The following REG4 variants were observed in gnomAD, a reference collection of about 807,000 sequenced individuals.
REG4 encodes the protein regenerating family member 4, also known as regenerating islet-derived protein 4.
A neutral mutation model predicts 22.3 loss-of-function variants in REG4; 16 were observed. That is an observed-to-expected ratio of 0.72 (90% confidence interval 0.49 to 1.09). REG4 has a LOEUF of 1.09. REG4 is among the 50% of genes least tolerant of loss of function. REG4 has a pLI of 0.00. For missense variants in REG4, 214 were observed against 193.9 expected (o/e 1.10, Z -0.61); for synonymous variants, 71 against 69.2 (o/e 1.03, Z -0.13).
chr1:119,803,087 C>G lies in REG4; in HGVS notation c.146G>C (p.Arg49Thr), dbSNP rs1654170381. 6.3e-7 allele frequency: 1 copy of G among 1,588,480 alleles called. No individual in the cohort carries two copies. Among genetic ancestry groups the G allele is most frequent in the Non-Finnish European group, 8.6e-7 (1 of 1,169,252 alleles). ...TCTTACCTCGGCATCAGACCAGTTC[C>G]TCAGCTTCCTGAAGTAACCATAGCA... The part of the protein sequence containing the change: ...SNCYGYFRKL[R>T]NWSDAELECQ... The change falls in exon 3 of 6, where the codon AGG (arginine) becomes ACG (threonine). Residue 49 changes from arginine (R) to threonine (T), a missense_variant. Physicochemically the swap from Arg to Thr is moderately conservative, Grantham distance 71 (BLOSUM62 -1). Transcript: ENST00000256585.
At chr1:119,796,121 T>G (rs879505303) in intron 5 of REG4, among the ~76,000 whole-genome samples, 5 of 152,164 alleles carry the variant, frequency 3.3e-5, no homozygotes, top group Admixed American at 3.3e-4. Context: ...TGTATTCAGA[T>G]GATTAGGGCG....
chr1:119,803,925 A>C (rs587735823), intron 2 of REG4, among the ~76,000 whole-genome samples: 1 of 152,230 alleles, frequency 6.6e-6, no homozygotes, highest in African/African-American at 2.4e-5. Flanking sequence ...GGTGTCTGTC[A>C]GGCAACCATG....
intron 4 of REG4, among the ~76,000 whole-genome samples, chr1:119,799,044 C>T (rs1372826203): frequency 1.3e-5 from 2 of 152,002 alleles, no homozygotes; most frequent in Non-Finnish European, 2.9e-5. Context: ...CATACATATT[C>T]GTGAAAGAGG....
intron 3 of REG4, 84 bp from the exon 4 acceptor site, chr1:119,799,946 G>A (rs1654048599): frequency 6.5e-7 from 1 of 1,540,746 alleles, no homozygotes; most frequent in East Asian, 2.3e-5. Flanking sequence ...TGCCAAGAAG[G>A]AGGGACTCAC....
At chr1:119,798,067 A>G (rs1372207335) in intron 5 of REG4, among the ~76,000 whole-genome samples, 1 of 152,112 alleles carries the variant, frequency 6.6e-6, no homozygotes, top group Non-Finnish European at 1.5e-5. Context: ...AACTCAGGCA[A>G]AGACCGGCCT....
Position 119,798,544 on chromosome 1 carries a change from T to A in REG4, c.362A>T (p.Lys121Met), listed in dbSNP as rs199938796. The change falls in exon 5 of 6, where the codon AAG (lysine) becomes ATG (methionine). Residue 121 changes from lysine to methionine, a missense_variant. Physicochemically the swap from Lys to Met is moderately conservative, Grantham distance 95 (BLOSUM62 -1). Coordinates refer to ENST00000256585, the MANE Select transcript of REG4 (RefSeq NM_032044.4). ...AMYLYRSWSG[K>M]SMGGNKHCAE... ...ACAGTGCTTGTTCCCACCCATGGAC[T>A]TGCCAGACCAGGATCTGTACAGATA... is the stretch of plus-strand genomic sequence containing the variant. The A allele has an allele frequency of 3.1e-6, 5 of 1,614,098 alleles. No individual in the cohort carries two copies. The highest frequency in any genetic ancestry group is 4.2e-6 in the Non-Finnish European group (5 of 1,180,034).
chr1:119,807,082 A>T (rs1297448914), intron 2 of REG4, among the ~76,000 whole-genome samples: 2 of 152,250 alleles, frequency 1.3e-5, no homozygotes, highest in African/African-American at 2.4e-5. Context: ...TTTAGTGTCC[A>T]TAAATGATGT....
At chr1:119,796,436 G>A (rs999208252) in intron 5 of REG4, among the ~76,000 whole-genome samples, 7 of 152,076 alleles carry the variant, frequency 4.6e-5, no homozygotes, top group Non-Finnish European at 1.0e-4. Flanking sequence ...GGGTGAGAGA[G>A]GGACACACAA....
chr1:119,808,396 A>G (rs988011776), intron 2 of REG4, among the ~76,000 whole-genome samples: 1 of 152,216 alleles, frequency 6.6e-6, no homozygotes, highest in South Asian at 2.1e-4. Context: ...TGACTTATTG[A>G]CAATCTGCTA....
intron 3 of REG4, among the ~76,000 whole-genome samples, chr1:119,800,206 C>T (rs1485870882): frequency 2.0e-5 from 3 of 152,196 alleles, no homozygotes; most frequent in African/African-American, 7.2e-5. Context: ...ATTACTGCTA[C>T]CTAGGACCTG....
chr1:119,805,406 TG>T (rs1654272442), intron 2 of REG4, among the ~76,000 whole-genome samples: 2 of 152,298 alleles, frequency 1.3e-5, no homozygotes, highest in Admixed American at 1.3e-4. Flanking sequence ...CTGGTGCTCC[TG>T]GTTTGGTCTT....
At chr1:119,799,419 C>T (rs1300743627) in intron 4 of REG4, among the ~76,000 whole-genome samples, 1 of 133,142 alleles carries the variant, frequency 7.5e-6, no homozygotes, top group East Asian at 2.4e-4. Context: ...TACACACACA[C>T]ACACACACAC....
intron 3 of REG4, among the ~76,000 whole-genome samples, chr1:119,800,217 T>C (rs780535116): frequency 2.1e-4 from 32 of 152,196 alleles, no homozygotes; most frequent in Non-Finnish European, 4.0e-4. Flanking sequence ...CTAGGACCTG[T>C]CATGAGGCCT....
At chr1:119,802,979 A>G (rs371663045) in intron 3 of REG4, 89 bp downstream of exon 3, 1 of 1,588,480 alleles carries the variant, frequency 6.3e-7, no homozygotes, top group Non-Finnish European at 8.6e-7. Context: ...CCCAGGAAGG[A>G]CACTTGATCC....
intron 5 of REG4, among the ~76,000 whole-genome samples, chr1:119,795,718 A>G (rs1653918752): frequency 6.6e-6 from 1 of 152,174 alleles, no homozygotes; most frequent in Admixed American, 6.5e-5. Flanking sequence ...GGTTCTCAGG[A>G]GCCACAGAGG....
At chr1:119,795,681 G>A (rs187098214) in intron 5 of REG4, among the ~76,000 whole-genome samples, 9 of 152,164 alleles carry the variant, frequency 5.9e-5, no homozygotes, top group Admixed American at 5.9e-4. Flanking sequence ...GGGAGAGGAG[G>A]GGGTGAGGTG....
chr1:119,808,881 G>A lies in REG4; in HGVS notation c.-94-18C>T, dbSNP rs1654409774. The A allele has an allele frequency of 3.1e-6, 2 of 644,864 alleles. No homozygotes were observed. Among genetic ancestry groups the A allele is most frequent in the Non-Finnish European group, 2.7e-6 (1 of 370,336 alleles). The allele number at this position is 644,864 out of a possible 1,614,324, so 39.9% of individuals were successfully genotyped here. On this transcript the variant is annotated intron_variant, in intron 1 of 5. Transcript: ENST00000256585. ...CTGCAAATCTGAACACATTTGCACA[G>A]GTGAGAAGGACCCAGGAATCTAGAT...
Position 119,798,561 on chromosome 1 carries a change from G to T in REG4, c.345C>A (p.Tyr115Ter). ...CCATGGACTTGCCAGACCAGGATCT[G>T]TACAGATACATGGCCCCATCAATCC... ...WQWIDGAMYLYRSWSGKSMGG... is the reference protein window; with the variant it reads ...WQWIDGAMYL Residue 115 changes from tyrosine (Y) to a stop codon, truncating the protein, a stop_gained, in exon 5 of 6, where the codon TAC (tyrosine) becomes TAA (stop). Transcript: ENST00000256585. LOFTEE classifies it high-confidence loss of function. 6.2e-7 allele frequency: 1 copy of T among 1,614,176 alleles called. No homozygotes were observed. The highest frequency in any genetic ancestry group is 1.1e-5 in the South Asian group (1 of 91,076).
chr1:119,794,514 A>G lies in REG4; in HGVS notation c.*104T>C, dbSNP rs1390784928. The G allele has an allele frequency of 3.7e-6, 4 of 1,067,968 alleles. No homozygotes were observed. The highest frequency in any genetic ancestry group is 5.8e-6 in the Non-Finnish European group (4 of 685,158). The allele number at this position is 1,067,968 out of a possible 1,614,324, so 66.2% of individuals were successfully genotyped here. On this transcript the variant is annotated 3_prime_UTR_variant, in exon 6 of 6. Coordinates refer to ENST00000256585, the MANE Select transcript of REG4 (RefSeq NM_032044.4). ...GTGTAGTAGGGCCCTTATCACTCTTAGTTTGCTAGGTTTCCCCTCTGAAAT... is the reference window on the plus strand; with the variant it reads ...GTGTAGTAGGGCCCTTATCACTCTTGGTTTGCTAGGTTTCCCCTCTGAAAT...
Sources: gnomAD v4.1 joint callset for allele counts (sites outside exome capture counted in the v4.1 genomes callset) on GRCh38, gnomAD v4.1.1 for gene constraint, MANE v1.5 for transcripts, NCBI Gene and HGNC (gene_info 2026-07-23, HGNC 2026-07-21) for gene names.